The following LRP12 variants were observed in gnomAD, a reference collection of about 807,000 sequenced individuals.
The protein encoded by LRP12 is low-density lipoprotein receptor-related protein 12.
Under a neutral mutation model 66.0 loss-of-function variants are expected in LRP12, and 14 were observed. The ratio of observed to expected loss-of-function variants is 0.21; its 90% CI spans 0.14 to 0.33. The LOEUF (loss-of-function observed/expected upper bound fraction) is 0.33, where lower values mean the gene tolerates loss of function less well. LRP12 is among the 10% of genes least tolerant of loss of function. The pLI is 1.00. For missense variants in LRP12, 889 were observed against 1,053.4 expected, an observed-to-expected ratio of 0.84 and a Z score of 2.16; for synonymous variants, 357 against 359.1, an observed-to-expected ratio of 0.99 and a Z score of 0.07.
Position 104,497,266 on chromosome 8 carries a change from C to G in LRP12, c.1286G>C (p.Arg429Pro). Residue 429 changes from arginine (R) to proline (P), a missense_variant, in exon 5 of 7, where the codon CGT (arginine) becomes CCT (proline). Around this residue, in one of 3 missense-constraint regions of LRP12, gnomAD observed 800 missense variants for 964.5 expected, o/e 0.83. Transcript: ENST00000276654. This position sits in a 1 kb window ranked among gnomAD's most constrained non-coding sequence, Gnocchi z 4.3. ...ATTCTGGTAGTTGCAGCGATCAGAA[C>G]GAGGATAACAGACACCATTTCGGGA... ...PCSRNGVCYP[R>P]SDRCNYQNHC... is the part of the protein sequence containing the mutation. The G allele has an allele frequency of 6.2e-7, 1 of 1,614,128 alleles. No homozygotes were observed. Among genetic ancestry groups the G allele is most frequent in the East Asian group, 2.2e-5 (1 of 44,882 alleles).
At chr8:104,566,209 G>T in intron 1 of LRP12, 1 of 671,998 alleles carries the variant, frequency 1.5e-6, no homozygotes. Flanking sequence ...TGAAAATGCA[G>T]CACATAGAAA....
intron 5 of LRP12, 81 bp downstream of exon 5, chr8:104,496,891 C>T: frequency 3.8e-6 from 5 of 1,319,822 alleles, no homozygotes; most frequent in Non-Finnish European, 5.0e-6. Flanking sequence ...AACAAAAATA[C>T]ATTGCTAATC....
intron 1 of LRP12, among the ~76,000 whole-genome samples, chr8:104,564,073 A>G (rs181991300): frequency 6.6e-6 from 1 of 152,300 alleles, no homozygotes; most frequent in Admixed American, 6.5e-5. Context: ...CAGATACTAT[A>G]CTATATTGTA....
intron 1 of LRP12, among the ~76,000 whole-genome samples, chr8:104,532,340 G>A (rs1468261494): frequency 6.7e-6 from 1 of 149,116 alleles, no homozygotes; most frequent in Non-Finnish European, 1.5e-5. Flanking sequence ...ACAAGTCGGT[G>A]TAATATCTGT....
intron 1 of LRP12, among the ~76,000 whole-genome samples, chr8:104,548,268 TATATA>T (rs1811646181): frequency 1.0e-5 from 1 of 96,388 alleles, no homozygotes; most frequent in Admixed American, 1.7e-4. Flanking sequence ...TAATATATGA[TATATA>T]TTATATTAAT....
intron 1 of LRP12, among the ~76,000 whole-genome samples, chr8:104,542,586 A>G (rs1811495005): frequency 6.6e-6 from 1 of 152,182 alleles, no homozygotes; most frequent in South Asian, 2.1e-4. Context: ...CCTGAACAAC[A>G]CAGGGGTTAG....
At chr8:104,559,085 G>A (rs1811861015) in intron 1 of LRP12, among the ~76,000 whole-genome samples, 1 of 152,148 alleles carries the variant, frequency 6.6e-6, no homozygotes, top group Non-Finnish European at 1.5e-5. Flanking sequence ...TCTACCATTT[G>A]ATACAGCAAT....
chr8:104,544,393 A>C (rs1292713286), intron 1 of LRP12, among the ~76,000 whole-genome samples: 2 of 152,210 alleles, frequency 1.3e-5, no homozygotes, highest in African/African-American at 4.8e-5. Context: ...AAGATCACTA[A>C]TGAAGGTGGC....
At chr8:104,499,621 C>CT (rs1810793395) in intron 3 of LRP12, 102 bp from the exon 4 acceptor site, 1 of 681,244 alleles carries the variant, frequency 1.5e-6, no homozygotes, top group Admixed American at 3.1e-5. Context: ...CATATACTGA[C>CT]TGATTCTCCT....
At chr8:104,554,416 G>C (rs1811774133) in intron 1 of LRP12, among the ~76,000 whole-genome samples, 1 of 148,304 alleles carries the variant, frequency 6.7e-6, no homozygotes. Context: ...CAGATAAATA[G>C]ATAGCATAAA....
rs59353283 is a variant in LRP12, at chr8:104,503,328, C to CAA, written c.273-3811_273-3810dup. 4.5e-3 allele frequency among the ~76,000 whole-genome samples: 134 copies of CAA among 30,064 alleles called. 6 individuals carry two copies. Among genetic ancestry groups the CAA allele is most frequent in the Non-Finnish European group, 6.5e-3 (94 of 14,384 alleles). The allele number at this position is 30,064 out of a possible 152,430, so 19.7% of individuals were successfully genotyped here. On this transcript the variant is annotated intron_variant, in intron 3 of 6. Coordinates refer to ENST00000276654, the MANE Select transcript of LRP12 (RefSeq NM_013437.5). ...GGTGACAAAGCGAGACTGTGTCTCT[C>CAA]AAAAAAAAAAAAAAAAAAAAAAAAA...
chr8:104,494,160 A>G (rs529770079), intron 6 of LRP12, among the ~76,000 whole-genome samples: 2 of 152,038 alleles, frequency 1.3e-5, no homozygotes, highest in African/African-American at 4.8e-5. Context: ...TTCTTACCTA[A>G]AAAAAAACTT....
intron 6 of LRP12, among the ~76,000 whole-genome samples, chr8:104,493,344 A>G (rs949047521): frequency 2.0e-5 from 3 of 152,242 alleles, no homozygotes; most frequent in African/African-American, 7.2e-5. Context: ...TTTTAATCTC[A>G]TTAAATGAAT....
intron 1 of LRP12, among the ~76,000 whole-genome samples, chr8:104,533,386 G>A (rs1564137693): frequency 2.0e-5 from 3 of 152,090 alleles, no homozygotes; most frequent in Admixed American, 6.6e-5. Flanking sequence ...CCAAAGGTCA[G>A]TATAAACTGC....
intron 1 of LRP12, among the ~76,000 whole-genome samples, chr8:104,540,392 C>T (rs1224939161): frequency 6.6e-6 from 1 of 152,126 alleles, no homozygotes; most frequent in Non-Finnish European, 1.5e-5. Flanking sequence ...TACCTACTTT[C>T]CCCATGTAGG....
intron 1 of LRP12, among the ~76,000 whole-genome samples, chr8:104,548,171 A>AATATAAT (rs372381272): frequency 0.66 from 64,992 of 98,876 alleles, 21,434 homozygotes; most frequent in Admixed American, 0.71. Context: ...TATTATATAT[A>AATATAAT]ATATAATATA....
chr8:104,579,815 A>C (rs1008398876), intron 1 of LRP12, among the ~76,000 whole-genome samples: 3 of 152,216 alleles, frequency 2.0e-5, no homozygotes, highest in African/African-American at 7.2e-5. Context: ...ACTTGACAAA[A>C]ATGAGCCATA....
At chr8:104,576,384 T>C (rs1812165056) in intron 1 of LRP12, among the ~76,000 whole-genome samples, 1 of 151,898 alleles carries the variant, frequency 6.6e-6, no homozygotes, top group African/African-American at 2.4e-5. Context: ...GCAGGTCACC[T>C]ACAAAGGGAA....
intron 2 of LRP12, among the ~76,000 whole-genome samples, chr8:104,531,553 T>C (rs1165833901): frequency 6.6e-6 from 1 of 152,132 alleles, no homozygotes; most frequent in Admixed American, 6.6e-5. Context: ...TCTAAGGCTC[T>C]AATCCTAGGG....
Sources: allele counts gnomAD v4.1 joint callset (sites outside exome capture counted in the v4.1 genomes callset), GRCh38; gene constraint gnomAD v4.1.1; regional missense constraint gnomAD v4.1.1; non-coding constraint Gnocchi (gnomAD v3.1); transcripts MANE v1.5; gene names NCBI Gene and HGNC (gene_info 2026-07-23, HGNC 2026-07-21).